The following KLHL7 variants were observed in gnomAD, a reference collection of about 807,000 sequenced individuals.
KLHL7 encodes the protein kelch like family member 7, also known as kelch-like protein 7.
Under a neutral mutation model 67.4 loss-of-function variants are expected in KLHL7, and 44 were observed. The observed-to-expected ratio is 0.65, with a 90% CI of 0.51 to 0.84. The LOEUF (loss-of-function observed/expected upper bound fraction) is 0.84, where lower values mean the gene tolerates loss of function less well. KLHL7 is among the 40% of genes least tolerant of loss of function. The pLI, the probability that KLHL7 is intolerant of heterozygous loss-of-function variation, is 0.00. For synonymous variants in KLHL7, 252 were observed against 243.3 expected (o/e 1.04, Z -0.33); for missense variants, 362 against 718.1 (o/e 0.50, Z 5.67).
In KLHL7 at chr7:23,174,133, C is replaced by A. The variant is rs1004146244; in HGVS notation, c.1596C>A (p.Val532=). The part of the protein sequence containing the change: ...KCAAVGSIVY[V]LAGFQGVGRL... The stretch of plus-strand genomic sequence containing the variant: ...CAGCAGTTGGCTCTATAGTTTATGT[C>A]TTGGCTGGTTTTCAGGGTGTTGGTC... Residue 532 remains valine (V), a synonymous_variant, in exon 11 of 11, where the codon GTC becomes GTA. Coordinates refer to ENST00000339077, the MANE Select transcript of KLHL7 (RefSeq NM_001031710.3). 74 of 1,614,144 alleles carry A rather than the reference C, an allele frequency of 4.6e-5. No individual in the cohort carries two copies. The highest frequency in any genetic ancestry group is 6.1e-5 in the Non-Finnish European group (72 of 1,180,014).
At chr7:23,129,806 G>T (rs1783728074) in intron 4 of KLHL7, 1 of 157,352 alleles carries the variant, frequency 6.4e-6, no homozygotes, top group African/African-American at 2.4e-5. Context: ...ACAAACTAAA[G>T]TTCCACAAAA....
intron 7 of KLHL7, among the ~76,000 whole-genome samples, chr7:23,160,344 C>T (rs1784823675): frequency 1.3e-5 from 2 of 152,196 alleles, no homozygotes; most frequent in Non-Finnish European, 2.9e-5. Flanking sequence ...CCATGTCATG[C>T]TTACTCAACT....
intron 6 of KLHL7, among the ~76,000 whole-genome samples, chr7:23,144,488 C>G (rs190859678): frequency 6.6e-6 from 1 of 152,292 alleles, no homozygotes; most frequent in Admixed American, 6.5e-5. Context: ...ATAAAATTGT[C>G]TATACAATTA....
intron 4 of KLHL7, chr7:23,125,750 T>G (rs1783544223): frequency 6.8e-7 from 1 of 1,481,388 alleles, no homozygotes; most frequent in Non-Finnish European, 9.0e-7. Context: ...GTATTTTCTA[T>G]TTTGTGATAG....
chr7:23,119,110 T>G (rs780725235), intron 1 of KLHL7, among the ~76,000 whole-genome samples: 50 of 152,168 alleles, frequency 3.3e-4, no homozygotes, highest in Non-Finnish European at 5.7e-4. Flanking sequence ...GTATAGTATT[T>G]AAATTTATTC....
chr7:23,172,228 T>A, intron 9 of KLHL7: 1 of 455,404 alleles, frequency 2.2e-6, no homozygotes, highest in Non-Finnish European at 4.4e-6. Context: ...CAGAAAAAAA[T>A]AACTAAACTC....
At chr7:23,140,668 A>G (rs1248598663) in intron 4 of KLHL7, 101 bp from the exon 5 acceptor site, 1 of 935,180 alleles carries the variant, frequency 1.1e-6, no homozygotes, top group Admixed American at 1.9e-5. Flanking sequence ...GATTTATGAA[A>G]TTTACTCAAC....
chr7:23,131,767 C>A (rs1783810130), intron 4 of KLHL7, among the ~76,000 whole-genome samples: 1 of 146,822 alleles, frequency 6.8e-6, no homozygotes, highest in African/African-American at 2.5e-5. Flanking sequence ...CCCATTAATC[C>A]TCCCCTCAAT....
rs1033553080 is a variant in KLHL7 at position 23,106,884 on chromosome 7, A to G, written c.120+738A>G. ...TTAATTCCATAACATCTACACCGAT[A>G]AGCATAGAAAGTCACTTTTTCCTTT... is the stretch of plus-strand genomic sequence containing the variant. On this transcript the variant is annotated intron_variant, in intron 1 of 10. Transcript: ENST00000339077. 6.9e-6 allele frequency: 6 copies of G among 871,136 alleles called. No homozygotes were observed. The African/African-American group carries it at 1.1e-4, about 16-fold the overall frequency. 54.0% of individuals were successfully genotyped at this position (871,136 alleles called of 1,614,324 possible).
intron 9 of KLHL7, among the ~76,000 whole-genome samples, chr7:23,169,152 G>C (rs1403179253): frequency 6.6e-6 from 1 of 151,972 alleles, no homozygotes; most frequent in Non-Finnish European, 1.5e-5. Context: ...TCCACTACTG[G>C]GGAGGCTGAA....
chr7:23,117,927 A>G (rs754938997), intron 1 of KLHL7: 11 of 1,614,122 alleles, frequency 6.8e-6, no homozygotes, highest in Non-Finnish European at 7.6e-6. Flanking sequence ...GGAGGGACTG[A>G]TTGCAGAACC....
At chr7:23,160,342 T>C (rs1267840323) in intron 7 of KLHL7, among the ~76,000 whole-genome samples, 1 of 152,258 alleles carries the variant, frequency 6.6e-6, no homozygotes, top group Admixed American at 6.5e-5. Flanking sequence ...ATCCATGTCA[T>C]GCTTACTCAA....
intron 9 of KLHL7, among the ~76,000 whole-genome samples, chr7:23,170,415 C>T (rs1013303979): frequency 1.3e-4 from 20 of 152,090 alleles, no homozygotes; most frequent in African/African-American, 4.8e-4. Flanking sequence ...ATGTTGATCT[C>T]ATGGAGGTAG....
chr7:23,127,669 C>T (rs139333054), intron 4 of KLHL7, among the ~76,000 whole-genome samples: 2 of 151,984 alleles, frequency 1.3e-5, no homozygotes, highest in Admixed American at 6.6e-5. Flanking sequence ...AAACCCAGTA[C>T]CAGCCTGGCC....
chr7:23,114,664 T>C (rs763596219), intron 1 of KLHL7, among the ~76,000 whole-genome samples: 19 of 152,226 alleles, frequency 1.2e-4, no homozygotes, highest in Non-Finnish European at 2.5e-4. Flanking sequence ...CCAATAACTG[T>C]TCTTTTTTGT....
At position 23,172,967 on chromosome 7, in the gene KLHL7, A is replaced by G. The variant is rs199683740; in HGVS notation, c.1399A>G (p.Met467Val). Reference sequence around the variant, plus strand: ...TTTCAGATGGACTGAGCTGTGTCCAATGATTGAAGCCAGGAAGAATCATGG... The same window carrying G: ...TTTCAGATGGACTGAGCTGTGTCCAGTGATTGAAGCCAGGAAGAATCATGG... ...ATETWTELCPMIEARKNHGLV... is the reference protein window; with the variant it reads ...ATETWTELCPVIEARKNHGLV... The change falls in exon 10 of 11, where the codon ATG becomes GTG. Residue 467 changes from methionine (M) to valine (V), a missense_variant. Physicochemically the swap from Met to Val is conservative, Grantham distance 21 (BLOSUM62 1). Coordinates refer to ENST00000339077, the MANE Select transcript of KLHL7 (RefSeq NM_001031710.3). The G allele has an allele frequency of 9.3e-6, 15 of 1,613,750 alleles. No individual in the cohort carries two copies. The highest frequency in any genetic ancestry group is 3.3e-5 in the South Asian group (3 of 91,070).
chr7:23,117,815 T>G (rs749427372), intron 1 of KLHL7: 1 of 1,590,712 alleles, frequency 6.3e-7, no homozygotes, highest in South Asian at 1.1e-5. Context: ...AAGGGCCTCA[T>G]TTCCCTTTAT....
chr7:23,137,060 G>A (rs1347961143), intron 4 of KLHL7, among the ~76,000 whole-genome samples: 2 of 152,154 alleles, frequency 1.3e-5, no homozygotes, highest in African/African-American at 2.4e-5. Flanking sequence ...CAAGGTGGGC[G>A]GATCACCTGA....
chr7:23,138,584 C>G (rs1203548797), intron 4 of KLHL7, among the ~76,000 whole-genome samples: 1 of 147,890 alleles, frequency 6.8e-6, no homozygotes, highest in Non-Finnish European at 1.5e-5. Flanking sequence ...GTCGCCCCAG[C>G]TGGAGTGCAG....
Sources: gnomAD v4.1 joint callset for allele counts (sites outside exome capture counted in the v4.1 genomes callset) on GRCh38, gnomAD v4.1.1 for gene constraint, MANE v1.5 for transcripts, NCBI Gene and HGNC (gene_info 2026-07-23, HGNC 2026-07-21) for gene names.